The following COL22A1 variants were observed in gnomAD, a reference collection of about 807,000 sequenced individuals.
COL22A1 encodes the protein collagen alpha-1(XXII) chain.
In COL22A1, 221 loss-of-function variants were observed where a neutral mutation model predicts 248.9. That is an observed-to-expected ratio of 0.89 (90% CI 0.80 to 0.99). The LOEUF (loss-of-function observed/expected upper bound fraction) is 0.99, where lower values mean the gene tolerates loss of function less well. Among genes scored for constraint, COL22A1 ranks in the 50% least tolerant of loss-of-function variants. The pLI is 0.00. For synonymous variants in COL22A1, 891 were observed against 793.4 expected, an observed-to-expected ratio of 1.12 and a Z score of -2.07; for missense variants, 2,240 against 2,179.0, an observed-to-expected ratio of 1.03 and a Z score of -0.56.
At chr8:138,889,602 T>C (rs1481092486) in intron 1 of COL22A1, among the ~76,000 whole-genome samples, 2 of 152,134 alleles carry the variant, frequency 1.3e-5, no homozygotes, top group Non-Finnish European at 2.9e-5. Context: ...TTAGGAGATA[T>C]ACCTAATGCT....
At chr8:138,797,144 G>A (rs1816617742) in intron 11 of COL22A1, among the ~76,000 whole-genome samples, 4 of 152,038 alleles carry the variant, frequency 2.6e-5, no homozygotes, top group Admixed American at 2.0e-4. Flanking sequence ...TACTTAAAAT[G>A]TACAATTCAA....
intron 30 of COL22A1, among the ~76,000 whole-genome samples, chr8:138,714,903 G>A (rs1829311059): frequency 1.3e-5 from 2 of 152,114 alleles, no homozygotes; most frequent in African/African-American, 2.4e-5. Context: ...CAGGGCACAT[G>A]GGGTTTTTGC....
intron 18 of COL22A1, among the ~76,000 whole-genome samples, chr8:138,758,922 A>G (rs1164757091): frequency 1.3e-5 from 2 of 152,224 alleles, no homozygotes; most frequent in African/African-American, 4.8e-5. Context: ...CATAGGCGGC[A>G]GCAAGAAATA....
rs149971901 is a variant in COL22A1, at chr8:138,700,100, G to A, written c.2592+12C>T. The A allele has an allele frequency of 3.1e-4, 501 of 1,612,774 alleles. 2 individuals are homozygous for A. In the African/African-American group the frequency reaches 5.8e-3, roughly 19 times the overall value. On this transcript the variant is annotated intron_variant, in intron 32 of 64. Coordinates refer to ENST00000303045, the MANE Select transcript of COL22A1 (RefSeq NM_152888.3). ...GGCACACTGGGCACCCCGAGGCACC[G>A]CTACTACTTACGGGCATCCGTGGAT...
At chr8:138,866,569 T>C (rs17689724) in intron 3 of COL22A1, among the ~76,000 whole-genome samples, 141,378 of 152,310 alleles carry the variant, frequency 0.93, 65,668 homozygotes, top group East Asian at 0.98. Flanking sequence ...AGAGTCTCCA[T>C]GAGCTGAAGC....
chr8:138,649,787 G>A lies in COL22A1; in HGVS notation c.3334-9C>T, dbSNP rs756379930. On this transcript the variant is annotated splice_polypyrimidine_tract_variant and intron_variant, in intron 45 of 64. Coordinates refer to ENST00000303045, the MANE Select transcript of COL22A1 (RefSeq NM_152888.3). ...CAGTCATTGCACACATCCTGAGAGTGGGGAGAGAGGTGGGGACAAAGAGAG... is the reference window on the plus strand; with the variant it reads ...CAGTCATTGCACACATCCTGAGAGTAGGGAGAGAGGTGGGGACAAAGAGAG... 3.3e-6 allele frequency: 5 copies of A among 1,523,584 alleles called. No individual in the cohort carries two copies. Among genetic ancestry groups the A allele is most frequent in the Non-Finnish European group, 4.4e-6 (5 of 1,126,322 alleles). 94.4% of individuals were successfully genotyped at this position (1,523,584 alleles called of 1,614,324 possible).
chr8:138,716,403 G>C, intron 28 of COL22A1, 114 bp from the exon 29 acceptor site: 1 of 719,846 alleles, frequency 1.4e-6, no homozygotes, highest in Non-Finnish European at 2.3e-6. Flanking sequence ...TTCTGGCTTA[G>C]TGGACATCAC....
At chr8:138,903,922 T>TG (rs1587008082) in intron 1 of COL22A1, among the ~76,000 whole-genome samples, 1 of 152,086 alleles carries the variant, frequency 6.6e-6, no homozygotes, top group African/African-American at 2.4e-5. Context: ...TGCCAGTGTG[T>TG]GGGGGATCCT....
At chr8:138,796,389 CTTTTTTTTTTT>C (rs11284610) in intron 12 of COL22A1, among the ~76,000 whole-genome samples, 60 of 26,320 alleles carry the variant, frequency 2.3e-3, no homozygotes, top group African/African-American at 7.6e-3. Context: ...TGCTACTTTC[CTTTTTTTTTTT>C]TTTTTTTTTT....
chr8:138,834,242 C>CA (rs934581841), intron 4 of COL22A1, among the ~76,000 whole-genome samples: 1 of 151,950 alleles, frequency 6.6e-6, no homozygotes, highest in African/African-American at 2.4e-5. Context: ...CTGTGCCCCC[C>CA]CAGGGATAAT....
At chr8:138,609,042 T>C (rs1356535284) in intron 56 of COL22A1, among the ~76,000 whole-genome samples, 3 of 152,260 alleles carry the variant, frequency 2.0e-5, no homozygotes, top group Non-Finnish European at 4.4e-5. Context: ...TGCCCTCTAA[T>C]GTGCGAAGCA....
intron 1 of COL22A1, among the ~76,000 whole-genome samples, chr8:138,889,523 T>G (rs1824899914): frequency 6.6e-6 from 1 of 151,164 alleles, no homozygotes; most frequent in South Asian, 2.1e-4. Flanking sequence ...TGAGAACACA[T>G]GGACACAGGA....
At chr8:138,864,776 C>A (rs977578723) in intron 3 of COL22A1, among the ~76,000 whole-genome samples, 7 of 152,158 alleles carry the variant, frequency 4.6e-5, no homozygotes, top group African/African-American at 1.7e-4. Flanking sequence ...TCATCTCAGC[C>A]AGCACAGTCC....
intron 63 of COL22A1, among the ~76,000 whole-genome samples, chr8:138,592,213 C>T (rs1210726633): frequency 1.3e-5 from 2 of 152,160 alleles, no homozygotes; most frequent in Non-Finnish European, 2.9e-5. Context: ...GAGAGTGATC[C>T]ATTTTCTCTG....
chr8:138,691,666 GGT>G (rs1564199386), intron 35 of COL22A1, among the ~76,000 whole-genome samples: 9 of 148,076 alleles, frequency 6.1e-5, no homozygotes, highest in Admixed American at 1.3e-4. Flanking sequence ...TGTTTGTGGG[GGT>G]GTGTATATGT....
intron 16 of COL22A1, among the ~76,000 whole-genome samples, chr8:138,769,754 C>T (rs1834209170): frequency 6.6e-6 from 1 of 152,204 alleles, no homozygotes; most frequent in African/African-American, 2.4e-5. Context: ...ACAGTCACTC[C>T]TAGTGCATGA....
rs192741769 is a variant in COL22A1, at chr8:138,653,139, A to C, written c.3333+2758T>G. Among the ~76,000 whole-genome samples, 4 of 152,280 alleles carry C rather than the reference A, an allele frequency of 2.6e-5. No homozygotes were observed. The East Asian group carries it at 7.7e-4, about 29-fold the overall frequency. ...TTGAAGTACCAAGTAAGCACTCAAC[A>C]AAATGCTTACTACATGGAGAAAATA... On this transcript the variant is annotated intron_variant, in intron 45 of 64. Transcript: ENST00000303045.
chr8:138,823,842 T>C (rs963018255), intron 6 of COL22A1, among the ~76,000 whole-genome samples: 1 of 152,210 alleles, frequency 6.6e-6, no homozygotes, highest in Non-Finnish European at 1.5e-5. Flanking sequence ...TCCCAGTGGC[T>C]AGGAAAACAC....
At chr8:138,738,365 T>C (rs1831288813) in intron 22 of COL22A1, among the ~76,000 whole-genome samples, 1 of 152,206 alleles carries the variant, frequency 6.6e-6, no homozygotes, top group Non-Finnish European at 1.5e-5. Flanking sequence ...GGTAATGGCA[T>C]ATATTGTATA....
Sources: gnomAD v4.1 joint callset for allele counts (sites outside exome capture counted in the v4.1 genomes callset) on GRCh38, gnomAD v4.1.1 for gene constraint, MANE v1.5 for transcripts, NCBI Gene and HGNC (gene_info 2026-07-23, HGNC 2026-07-21) for gene names.